Variants in CREBBP observed in about 807,000 individuals in gnomAD.
The protein encoded by CREBBP is CREB binding lysine acetyltransferase, also known as CREB-binding protein.
Under a neutral mutation model 265.0 loss-of-function variants are expected in CREBBP, and 19 were observed. The observed-to-expected ratio is 0.07, with a 90% confidence interval of 0.05 to 0.11. The LOEUF (loss-of-function observed/expected upper bound fraction) is 0.11. CREBBP is among the 10% of genes least tolerant of loss of function. The pLI, the probability that CREBBP is intolerant of heterozygous loss-of-function variation, is 1.00. For missense variants in CREBBP, 2,525 were observed against 3,219.0 expected (o/e 0.78, Z 5.22); for synonymous variants, 1,457 against 1,223.7 (o/e 1.19, Z -3.98).
At chr16:3,808,977 C>A (rs1462241193) in intron 3 of CREBBP, among the ~76,000 whole-genome samples, 1 of 152,150 alleles carries the variant, frequency 6.6e-6, no homozygotes, top group Non-Finnish European at 1.5e-5. Context: ...AGGGGCTGAC[C>A]TAGGGTCCTC....
In CREBBP at chr16:3,787,200, C is replaced by T. The variant is rs538134216; in HGVS notation, c.1331-4274G>A. ...CTACCTGGCACCTTCCTATGCACTG[C>T]GTGGGGCACCACAGTGAAGAGAAGC... On this transcript the variant is annotated intron_variant, in intron 5 of 30. Transcript: ENST00000262367. Among the ~76,000 whole-genome samples the T allele has an allele frequency of 6.8e-4, 104 of 152,280 alleles. 2 individuals are homozygous for T. Among genetic ancestry groups the T allele is most frequent in the African/African-American group, 2.3e-3 (97 of 41,546 alleles).
At position 3,839,839 on chromosome 16, in the gene CREBBP, AAG is replaced by A. The variant is rs1187722257; in HGVS notation, c.798+10456_798+10457del. 7.3e-5 allele frequency among the ~76,000 whole-genome samples: 11 copies of A among 151,206 alleles called. No homozygotes were observed. In the South Asian group the frequency reaches 1.5e-3, roughly 20 times the overall value. On this transcript the variant is annotated intron_variant, in intron 2 of 30. Transcript: ENST00000262367. Reference sequence around the variant, plus strand: ...GAAAGGAAAGAAAGAAAGAGAAGGAAAGAGAGAGAGGAAGAGTGAGAGAAAGA... The same window carrying A: ...GAAAGGAAAGAAAGAAAGAGAAGGAAAGAGAGAGGAAGAGTGAGAGAAAGA...
At chr16:3,770,485 C>T (rs187581809) in intron 14 of CREBBP, 85 bp downstream of exon 14, 139 of 1,480,046 alleles carry the variant, frequency 9.4e-5, no homozygotes, top group Admixed American at 1.7e-4. Flanking sequence ...TGTGAACCAC[C>T]GCGCCTGGCC....
At chr16:3,828,638 GGTCT>G (rs1555492384) in intron 2 of CREBBP, among the ~76,000 whole-genome samples, 5 of 152,114 alleles carry the variant, frequency 3.3e-5, no homozygotes, top group Non-Finnish European at 7.4e-5. Flanking sequence ...CAGAAAATAA[GGTCT>G]TATGTATTTC....
chr16:3,774,357 T>C (rs1357734608), intron 12 of CREBBP, among the ~76,000 whole-genome samples: 3 of 152,244 alleles, frequency 2.0e-5, no homozygotes, highest in Non-Finnish European at 1.5e-5. Flanking sequence ...CACACATTCC[T>C]ATGAATTTGT....
At chr16:3,845,878 C>T (rs1013878943) in intron 2 of CREBBP, among the ~76,000 whole-genome samples, 4 of 93,482 alleles carry the variant, frequency 4.3e-5, no homozygotes, top group Admixed American at 2.9e-4. Context: ...CAAACTGAGA[C>T]CCTATCTCAA....
chr16:3,805,601 G>A (rs987647488), intron 3 of CREBBP, among the ~76,000 whole-genome samples: 1 of 152,128 alleles, frequency 6.6e-6, no homozygotes, highest in African/African-American at 2.4e-5. Flanking sequence ...GCCAGTTTAA[G>A]TCTTGCTCCC....
rs1214242021 is a variant in CREBBP at position 3,749,683 on chromosome 16, C to T, written c.3780G>A (p.Thr1260=). The change falls in exon 21 of 31, where the codon ACG becomes ACA. Residue 1260 remains threonine, a splice_region_variant and synonymous_variant. Transcript: ENST00000262367. ...TTTCAAACTGATCCTTTGAAATTGT[C>T]CTTGTTTTAAAATAAGAAAACATGT... ...TLGDDPSQPQ[T]TISKDQFEKK... is the part of the protein sequence containing the mutation. 3 of 1,593,958 alleles carry T rather than the reference C, an allele frequency of 1.9e-6. No individual in the cohort carries two copies. The African/African-American group carries it at 4.0e-5, about 21-fold the overall frequency.
intron 4 of CREBBP, 38 bp downstream of exon 4, chr16:3,793,348 T>G: frequency 6.2e-7 from 1 of 1,613,262 alleles, no homozygotes; most frequent in Non-Finnish European, 8.5e-7. Context: ...AAATTCTTCC[T>G]GACCTCTACC....
At chr16:3,746,557 G>C (rs963150941) in intron 21 of CREBBP, among the ~76,000 whole-genome samples, 2 of 152,104 alleles carry the variant, frequency 1.3e-5, no homozygotes, top group Non-Finnish European at 2.9e-5. Context: ...AATTTCAAAG[G>C]TTGGGGCCAA....
At chr16:3,802,425 C>A (rs963551766) in intron 3 of CREBBP, among the ~76,000 whole-genome samples, 1 of 151,978 alleles carries the variant, frequency 6.6e-6, no homozygotes, top group African/African-American at 2.4e-5. Context: ...AGCCACCGCG[C>A]CCAGCCTATT....
chr16:3,759,994 C>T (rs1167994911), intron 16 of CREBBP, among the ~76,000 whole-genome samples: 1 of 152,194 alleles, frequency 6.6e-6, no homozygotes, highest in Non-Finnish European at 1.5e-5. Flanking sequence ...GGCTCATGTT[C>T]ACTCACACAG....
At chr16:3,736,516 A>C in intron 27 of CREBBP, 134 bp downstream of exon 27, 1 of 1,331,406 alleles carries the variant, frequency 7.5e-7, no homozygotes, top group Non-Finnish European at 1.1e-6. Context: ...TTCTCACTTT[A>C]GGCTTTTATT....
rs35861892 is a variant in CREBBP at position 3,760,391 on chromosome 16, G to GTTT, written c.3251-1422_3251-1420dup. 2.8e-3 allele frequency among the ~76,000 whole-genome samples: 216 copies of GTTT among 75,944 alleles called. 10 individuals carry two copies. Among genetic ancestry groups the GTTT allele is most frequent in the African/African-American group, 8.9e-3 (179 of 20,002 alleles). 49.8% of individuals were successfully genotyped at this position (75,944 alleles called of 152,430 possible). A position where few individuals can be genotyped will look rare whatever the true frequency, so the allele number is the denominator to read the frequency against. Reference sequence around the variant, plus strand: ...ACGGGCACTAAGCTATCATGCCCAGGTTTTTTTTTTTTTTTTTTTTTTTTT... The same window carrying GTTT: ...ACGGGCACTAAGCTATCATGCCCAGGTTTTTTTTTTTTTTTTTTTTTTTTTTTT... On this transcript the variant is annotated intron_variant, in intron 16 of 30. Transcript: ENST00000262367.
At chr16:3,739,440 CT>C in intron 25 of CREBBP, 137 bp downstream of exon 25, 1 of 976,898 alleles carries the variant, frequency 1.0e-6, no homozygotes. Context: ...AAACTAACTA[CT>C]TTGGTTAGTT....
At chr16:3,778,298 T>C in intron 9 of CREBBP, 116 bp from the exon 10 acceptor site, 1 of 836,214 alleles carries the variant, frequency 1.2e-6, no homozygotes, top group East Asian at 2.5e-5. Flanking sequence ...GCAAAAGTAG[T>C]ATGCAAATAC....
intron 2 of CREBBP, among the ~76,000 whole-genome samples, 180 bp downstream of exon 2, chr16:3,850,117 G>T (rs1161442674): frequency 6.6e-6 from 1 of 152,174 alleles, no homozygotes; most frequent in Admixed American, 6.5e-5. Flanking sequence ...TCATTTTAAA[G>T]ACAGAAATGG....
At chr16:3,849,525 CTTTTTTTTTTTTTTT>C (rs140938515) in intron 2 of CREBBP, among the ~76,000 whole-genome samples, 1 of 6,556 alleles carries the variant, frequency 1.5e-4, no homozygotes, top group African/African-American at 4.7e-4. Flanking sequence ...GAGGCTGCTG[CTTTTTTTTTTTTTTT>C]TTTTTTTTTT....
At chr16:3,759,688 G>A (rs1278976747) in intron 16 of CREBBP, among the ~76,000 whole-genome samples, 4 of 152,020 alleles carry the variant, frequency 2.6e-5, no homozygotes, top group Non-Finnish European at 2.9e-5. Context: ...GGAGACAAAC[G>A]GTTTTGAATC....
Sources: allele counts gnomAD v4.1 joint callset (sites outside exome capture counted in the v4.1 genomes callset), GRCh38; gene constraint gnomAD v4.1.1; transcripts MANE v1.5; gene names NCBI Gene and HGNC (gene_info 2026-07-23, HGNC 2026-07-21).